Variants in MCU observed in about 807,000 individuals in gnomAD.
MCU encodes the protein calcium uniporter protein, mitochondrial.
In MCU, 12 loss-of-function variants were observed where a neutral mutation model predicts 45.2. The observed-to-expected ratio is 0.27, with a 90% CI of 0.17 to 0.43. The LOEUF is 0.43. Among genes scored for constraint, MCU ranks in the 20% least tolerant of loss-of-function variants. MCU has a pLI of 1.00. For missense variants in MCU, 324 were observed against 436.7 expected (o/e 0.74, Z 2.30); for synonymous variants, 160 against 165.1 (o/e 0.97, Z 0.24).
chr10:72,789,350 T>G (rs1411223442), intron 1 of MCU, among the ~76,000 whole-genome samples: 6 of 152,208 alleles, frequency 3.9e-5, no homozygotes, highest in South Asian at 2.1e-4. Context: ...GACTTGAATT[T>G]GAGTGGTTGC....
chr10:72,768,620 C>T (rs189082535), intron 1 of MCU, among the ~76,000 whole-genome samples: 1 of 152,278 alleles, frequency 6.6e-6, no homozygotes, highest in East Asian at 1.9e-4. Flanking sequence ...CTTTGATTGT[C>T]ATTACTAATA....
intron 1 of MCU, among the ~76,000 whole-genome samples, chr10:72,738,340 A>G (rs1384708718): frequency 6.6e-6 from 1 of 152,176 alleles, no homozygotes; most frequent in African/African-American, 2.4e-5. Context: ...TGGTATAGCA[A>G]TAAAGTAAGT....
chr10:72,716,077 CAA>C (rs1208868544), intron 1 of MCU, among the ~76,000 whole-genome samples: 1 of 152,142 alleles, frequency 6.6e-6, no homozygotes, highest in Non-Finnish European at 1.5e-5. Context: ...ATTTTGTAAA[CAA>C]AGTTTTACTA....
chr10:72,847,046 A>G (rs1845133922), intron 2 of MCU, among the ~76,000 whole-genome samples: 1 of 152,226 alleles, frequency 6.6e-6, no homozygotes, highest in Non-Finnish European at 1.5e-5. Flanking sequence ...AACTGGGCTC[A>G]CTGCAACCTC....
chr10:72,847,680 G>A (rs1388392145), intron 2 of MCU, among the ~76,000 whole-genome samples: 1 of 152,082 alleles, frequency 6.6e-6, no homozygotes, highest in Non-Finnish European at 1.5e-5. Flanking sequence ...TACAACAAAG[G>A]GGCATAAACT....
chr10:72,798,079 C>G (rs1056199034), intron 1 of MCU, among the ~76,000 whole-genome samples: 1 of 151,918 alleles, frequency 6.6e-6, no homozygotes. Context: ...TTATTCTGCT[C>G]TATTACAGAG....
intron 1 of MCU, among the ~76,000 whole-genome samples, chr10:72,822,368 A>G (rs1485795088): frequency 1.3e-5 from 2 of 152,210 alleles, no homozygotes; most frequent in African/African-American, 4.8e-5. Context: ...CAATGCCACC[A>G]CACATTCTAT....
At chr10:72,747,410 T>G (rs1215243719) in intron 1 of MCU, among the ~76,000 whole-genome samples, 1 of 152,264 alleles carries the variant, frequency 6.6e-6, no homozygotes, top group African/African-American at 2.4e-5. Flanking sequence ...AAAGAATGTA[T>G]AGTGCTTGTT....
chr10:72,718,357 G>T (rs1418150421), intron 1 of MCU, among the ~76,000 whole-genome samples: 1 of 152,184 alleles, frequency 6.6e-6, no homozygotes, highest in African/African-American at 2.4e-5. Flanking sequence ...AGGACAAGAT[G>T]GATTTGGTTA....
At chr10:72,805,161 GTC>G (rs1189878221) in intron 1 of MCU, among the ~76,000 whole-genome samples, 339 of 30,892 alleles carry the variant, frequency 0.011, 5 homozygotes, top group African/African-American at 0.029. Flanking sequence ...CTTTCTTTCT[GTC>G]TCTCTCTCTC....
intron 1 of MCU, among the ~76,000 whole-genome samples, chr10:72,809,129 G>A (rs185171483): frequency 7.9e-5 from 12 of 152,332 alleles, no homozygotes; most frequent in Non-Finnish European, 1.8e-4. Flanking sequence ...AAGATTGGAG[G>A]CATTGTAGTA....
At chr10:72,827,402 T>C (rs1844814650) in intron 1 of MCU, among the ~76,000 whole-genome samples, 1 of 152,248 alleles carries the variant, frequency 6.6e-6, no homozygotes, top group South Asian at 2.1e-4. Flanking sequence ...GAGAAATTTG[T>C]ATTCTGTATC....
At chr10:72,800,705 A>G (rs1158037202) in intron 1 of MCU, among the ~76,000 whole-genome samples, 1 of 152,222 alleles carries the variant, frequency 6.6e-6, no homozygotes, top group Non-Finnish European at 1.5e-5. Context: ...GTGCCTTCCT[A>G]AAGAAATTTT....
chr10:72,792,257 C>G (rs1261267801), intron 1 of MCU, among the ~76,000 whole-genome samples: 2 of 152,124 alleles, frequency 1.3e-5, no homozygotes, highest in Non-Finnish European at 1.5e-5. Context: ...AAGTGACAGA[C>G]AAAATCATAT....
At chr10:72,868,583 C>T (rs1007536298) in intron 4 of MCU, 120 bp from the exon 5 acceptor site, 1 of 796,150 alleles carries the variant, frequency 1.3e-6, no homozygotes, top group Non-Finnish European at 2.0e-6. Flanking sequence ...CTATTACTTT[C>T]CTTCAGTTTA....
At chr10:72,767,632 T>C (rs1044931246) in intron 1 of MCU, among the ~76,000 whole-genome samples, 1 of 152,024 alleles carries the variant, frequency 6.6e-6, no homozygotes, top group African/African-American at 2.4e-5. Flanking sequence ...ACAGGCACAA[T>C]TCTTTGCGCC....
At chr10:72,710,843 C>T (rs1842883498) in intron 1 of MCU, among the ~76,000 whole-genome samples, 1 of 151,974 alleles carries the variant, frequency 6.6e-6, no homozygotes, top group Non-Finnish European at 1.5e-5. Context: ...CTACACCTAT[C>T]TTATATAGTT....
intron 2 of MCU, among the ~76,000 whole-genome samples, chr10:72,840,759 T>G (rs1334492111): frequency 6.6e-6 from 1 of 152,216 alleles, no homozygotes; most frequent in African/African-American, 2.4e-5. Context: ...CAGAAGCACC[T>G]TATATTTTTT....
At chr10:72,731,812 CAAT>C (rs1306001808) in intron 1 of MCU, among the ~76,000 whole-genome samples, 9 of 152,084 alleles carry the variant, frequency 5.9e-5, no homozygotes, top group African/African-American at 9.7e-5. Context: ...TATTGCTAAA[CAAT>C]AATGATGGAT....
Sources: gnomAD v4.1 joint callset for allele counts (sites outside exome capture counted in the v4.1 genomes callset) on GRCh38, gnomAD v4.1.1 for gene constraint, MANE v1.5 for transcripts, NCBI Gene and HGNC (gene_info 2026-07-23, HGNC 2026-07-21) for gene names.